Variants in GRIA3 observed in about 807,000 individuals in gnomAD.
GRIA3 encodes the protein glutamate ionotropic receptor AMPA type subunit 3.
In GRIA3, 3 loss-of-function variants were observed where a neutral mutation model predicts 63.0. The ratio of observed to expected loss-of-function variants is 0.05; its 90% CI spans 0.02 to 0.12. The LOEUF (loss-of-function observed/expected upper bound fraction) is 0.12, where lower values mean the gene tolerates loss of function less well. GRIA3 is among the 10% of genes least tolerant of loss of function. GRIA3 has a pLI of 1.00. For missense variants in GRIA3, 347 were observed against 700.9 expected, an observed-to-expected ratio of 0.50 and a Z score of 5.70; for synonymous variants, 274 against 257.9, an observed-to-expected ratio of 1.06 and a Z score of -0.60.
chrX:123,464,179 G>A (rs979751057), intron 12 of GRIA3, among the ~76,000 whole-genome samples: 1 of 110,555 alleles, frequency 9.0e-6, no homozygotes, highest in Non-Finnish European at 1.9e-5. Flanking sequence ...GGATAGTACC[G>A]GGGGTGGGGG....
chrX:123,384,293 G>A (rs1423535262), intron 5 of GRIA3, among the ~76,000 whole-genome samples: 2 of 112,308 alleles, frequency 1.8e-5, no homozygotes, highest in African/African-American at 3.2e-5. Flanking sequence ...TTCCACAATG[G>A]TTGAACTAAT....
intron 5 of GRIA3, among the ~76,000 whole-genome samples, chrX:123,355,708 G>T (rs1366779536): frequency 9.0e-6 from 1 of 111,492 alleles, no homozygotes; most frequent in Non-Finnish European, 1.9e-5. Context: ...TATTACATGA[G>T]TTCTAACCCC....
At chrX:123,469,191 C>T (rs192104403) in intron 13 of GRIA3, among the ~76,000 whole-genome samples, 1 of 111,546 alleles carries the variant, frequency 9.0e-6, no homozygotes, top group African/African-American at 3.3e-5. Flanking sequence ...ATACCTGTAT[C>T]ACTTATCTTT....
At chrX:123,254,309 A>G (rs182570549) in intron 3 of GRIA3, among the ~76,000 whole-genome samples, 84 of 111,679 alleles carry the variant, frequency 7.5e-4, no homozygotes, top group African/African-American at 2.6e-3. Context: ...AATAATATAC[A>G]GTAAGGTCTA....
intron 11 of GRIA3, among the ~76,000 whole-genome samples, chrX:123,420,130 C>A (rs1251198450): frequency 9.0e-6 from 1 of 111,586 alleles, no homozygotes; most frequent in Non-Finnish European, 1.9e-5. Context: ...GAACATTAAT[C>A]CAGATACTGA....
chrX:123,353,020 T>TACACACAC (rs556926418), intron 4 of GRIA3, among the ~76,000 whole-genome samples: 214 of 87,777 alleles, frequency 2.4e-3, no homozygotes, highest in Non-Finnish European at 2.7e-3. Context: ...CTCTCTCTCA[T>TACACACAC]ACACACACAC....
At chrX:123,342,164 T>A (rs1004122238) in intron 4 of GRIA3, among the ~76,000 whole-genome samples, 8 of 112,393 alleles carry the variant, frequency 7.1e-5, no homozygotes, top group African/African-American at 2.6e-4. Context: ...ACATTAACTA[T>A]GCCTGCCCCA....
At chrX:123,290,087 A>G (rs1304070525) in intron 3 of GRIA3, among the ~76,000 whole-genome samples, 1 of 111,019 alleles carries the variant, frequency 9.0e-6, no homozygotes, top group African/African-American at 3.3e-5. Flanking sequence ...TTGAGAGAGG[A>G]AAAAAATGGT....
intron 2 of GRIA3, among the ~76,000 whole-genome samples, chrX:123,205,639 T>A (rs1259674642): frequency 9.0e-6 from 1 of 111,705 alleles, no homozygotes; most frequent in African/African-American, 3.3e-5. Context: ...TGGGATTAAT[T>A]CAGGTAGGGG....
intron 3 of GRIA3, among the ~76,000 whole-genome samples, chrX:123,254,222 G>C (rs2044406967): frequency 9.0e-6 from 1 of 111,623 alleles, no homozygotes; most frequent in Non-Finnish European, 1.9e-5. Context: ...AATATGCCCA[G>C]TCTCCTCTAA....
At chrX:123,317,143 T>G (rs1409009928) in intron 3 of GRIA3, among the ~76,000 whole-genome samples, 8 of 111,274 alleles carry the variant, frequency 7.2e-5, no homozygotes. Flanking sequence ...TGAGACTTAT[T>G]CACTATCATG....
intron 5 of GRIA3, among the ~76,000 whole-genome samples, chrX:123,375,207 T>C (rs2045276573): frequency 1.8e-5 from 2 of 112,224 alleles, no homozygotes; most frequent in Admixed American, 1.9e-4. Context: ...ATGGTTTTTG[T>C]CCTTCATCGT....
intron 5 of GRIA3, among the ~76,000 whole-genome samples, chrX:123,390,052 GTTA>G (rs1227703405): frequency 1.8e-5 from 2 of 111,639 alleles, no homozygotes; most frequent in Non-Finnish European, 3.8e-5. Flanking sequence ...TATATTCAAA[GTTA>G]TTATTAATAT....
At chrX:123,477,869 G>T (rs2045894017) in intron 13 of GRIA3, among the ~76,000 whole-genome samples, 1 of 111,805 alleles carries the variant, frequency 8.9e-6, no homozygotes, top group Non-Finnish European at 1.9e-5. Flanking sequence ...GTAATTTGAA[G>T]AACATATTAC....
Position 123,431,151 on chromosome X carries a change from G to A in GRIA3, c.2076+3012G>A, listed in dbSNP as rs1032094589. ...ACATAATATGAACTCATTTCTTCCC[G>A]TGCTCACTCTATACTAATACTACAG... is the stretch of plus-strand genomic sequence containing the variant. On this transcript the variant is annotated intron_variant, in intron 12 of 15. Transcript: ENST00000620443. Among the ~76,000 whole-genome samples, 17 of 111,205 alleles carry A rather than the reference G, an allele frequency of 1.5e-4. 1 individual carries two copies. The highest frequency in any genetic ancestry group is 4.3e-4 in the African/African-American group (13 of 30,570).
At chrX:123,332,060 TCC>T (rs1254204270) in intron 4 of GRIA3, among the ~76,000 whole-genome samples, 5 of 111,562 alleles carry the variant, frequency 4.5e-5, no homozygotes, top group East Asian at 2.8e-4. Context: ...CCTTGTGGCT[TCC>T]CCAAGGTATC....
At chrX:123,472,831 TTAG>T (rs2045870677) in intron 13 of GRIA3, among the ~76,000 whole-genome samples, 1 of 112,877 alleles carries the variant, frequency 8.9e-6, no homozygotes, top group Admixed American at 9.4e-5. Flanking sequence ...ACTAGCATTG[TTAG>T]GCCCTTAGTG....
chrX:123,453,323 T>C (rs2045743842), intron 12 of GRIA3, among the ~76,000 whole-genome samples: 1 of 108,865 alleles, frequency 9.2e-6, no homozygotes, highest in African/African-American at 3.4e-5. Context: ...TTCTCACTCA[T>C]AGATGGGAAT....
chrX:123,477,363 T>C (rs1046354834), intron 13 of GRIA3, among the ~76,000 whole-genome samples: 5 of 112,322 alleles, frequency 4.5e-5, no homozygotes, highest in Non-Finnish European at 9.4e-5. Context: ...TAATATACTT[T>C]CATGAAAAAT....
Sources: allele counts gnomAD v4.1 joint callset (sites outside exome capture counted in the v4.1 genomes callset), GRCh38; gene constraint gnomAD v4.1.1; transcripts MANE v1.5; gene names NCBI Gene and HGNC (gene_info 2026-07-23, HGNC 2026-07-21).